Variants in CCDC171 observed in about 807,000 individuals in gnomAD.
The protein encoded by CCDC171 is coiled-coil domain-containing protein 171.
A neutral mutation model predicts 168.2 loss-of-function variants in CCDC171; 177 were observed. That is an observed-to-expected ratio of 1.05 (90% CI 0.93 to 1.19). The LOEUF is 1.19. CCDC171 is among the 50% of genes most tolerant of loss of function. The probability of loss-of-function intolerance (pLI) is 0.00; values close to 1 mark genes in which losing one functional copy is unlikely to be tolerated. For missense variants in CCDC171, 1,991 were observed against 1,539.0 expected, an observed-to-expected ratio of 1.29 and a Z score of -4.91; for synonymous variants, 687 against 540.8, an observed-to-expected ratio of 1.27 and a Z score of -3.75.
chr9:15,781,784 A>G (rs2057680776), intron 20 of CCDC171, among the ~76,000 whole-genome samples: 1 of 152,178 alleles, frequency 6.6e-6, no homozygotes, highest in Non-Finnish European at 1.5e-5. Context: ...ACATTTAGTG[A>G]TCGTGTTGAC....
intron 25 of CCDC171, among the ~76,000 whole-genome samples, chr9:15,936,736 C>T (rs993039900): frequency 6.6e-5 from 10 of 152,122 alleles, no homozygotes; most frequent in Non-Finnish European, 1.2e-4. Context: ...GAAACTGTCC[C>T]GTCAAAATGT....
intron 24 of CCDC171, among the ~76,000 whole-genome samples, chr9:15,895,173 A>G (rs1035462358): frequency 6.6e-6 from 1 of 152,150 alleles, no homozygotes; most frequent in African/African-American, 2.4e-5. Flanking sequence ...TTGCTAAATA[A>G]TTCCTGTTTT....
chr9:15,589,366 C>G (rs2041825136), intron 4 of CCDC171, among the ~76,000 whole-genome samples: 1 of 152,224 alleles, frequency 6.6e-6, no homozygotes, highest in Non-Finnish European at 1.5e-5. Flanking sequence ...TTTCCAATGA[C>G]ACCACTGAGA....
intron 3 of CCDC171, among the ~76,000 whole-genome samples, chr9:16,013,081 A>G (rs1486890919): frequency 6.6e-6 from 1 of 151,834 alleles, no homozygotes; most frequent in Non-Finnish European, 1.5e-5. Flanking sequence ...AATGTCCCCA[A>G]CTCTCTTCCT....
rs2059706007 is a variant in CCDC171, at chr9:15,820,057, C to A, written c.3268-26645C>A. ...AAACTCACTCAAAACTGCTCAACTA[C>A]AGGGAAACTGAACAGCCTGCTCCTG... On this transcript the variant is annotated intron_variant, in intron 21 of 25. Coordinates refer to ENST00000380701, the MANE Select transcript of CCDC171 (RefSeq NM_173550.4). Among the ~76,000 whole-genome samples the A allele has an allele frequency of 1.7e-5, 2 of 117,630 alleles. 1 individual carries two copies. Among genetic ancestry groups the A allele is most frequent in the African/African-American group, 6.4e-5 (2 of 31,162 alleles). 77.2% of individuals were successfully genotyped at this position (117,630 alleles called of 152,430 possible). A position where few individuals can be genotyped will look rare whatever the true frequency, so the allele number is the denominator to read the frequency against.
the CCDC171 span, among the ~76,000 whole-genome samples, chr9:16,081,534 C>T: frequency 6.6e-6 from 1 of 152,160 alleles, no homozygotes; most frequent in African/African-American, 2.4e-5. Flanking sequence ...AGTCAATTTG[C>T]AATCGTGAGG....
chr9:15,928,794 T>C (rs1826170762), intron 25 of CCDC171, among the ~76,000 whole-genome samples: 1 of 151,722 alleles, frequency 6.6e-6, no homozygotes. Context: ...TATATTTTTT[T>C]TGATCCTTGG....
At chr9:15,934,474 T>A (rs1826885715) in intron 25 of CCDC171, among the ~76,000 whole-genome samples, 1 of 151,694 alleles carries the variant, frequency 6.6e-6, no homozygotes, top group Non-Finnish European at 1.5e-5. Flanking sequence ...GATGCCACTT[T>A]ACACCCACTA....
chr9:16,102,984 G>A, the CCDC171 span, among the ~76,000 whole-genome samples: 2 of 152,066 alleles, frequency 1.3e-5, no homozygotes, highest in East Asian at 1.9e-4. Flanking sequence ...GCTAACTTTC[G>A]GATTGAGCAG....
intron 9 of CCDC171, among the ~76,000 whole-genome samples, chr9:15,671,639 C>T (rs978256627): frequency 2.0e-5 from 3 of 151,828 alleles, no homozygotes; most frequent in African/African-American, 7.3e-5. Flanking sequence ...ATAGTTTGCT[C>T]AGAATGATGG....
intron 3 of CCDC171, among the ~76,000 whole-genome samples, chr9:15,576,526 A>G (rs1307417053): frequency 1.3e-5 from 2 of 152,062 alleles, no homozygotes; most frequent in Admixed American, 6.6e-5. Flanking sequence ...GTGCCCTTGA[A>G]GAGGATGTAG....
intron 21 of CCDC171, among the ~76,000 whole-genome samples, chr9:15,844,631 T>G (rs2130704657): frequency 6.6e-6 from 1 of 152,232 alleles, no homozygotes; most frequent in African/African-American, 2.4e-5. Flanking sequence ...TATCACTTTG[T>G]TTATACCACT....
intron 24 of CCDC171, among the ~76,000 whole-genome samples, chr9:15,901,448 C>A (rs146830434): frequency 9.9e-5 from 15 of 152,238 alleles, no homozygotes; most frequent in African/African-American, 3.4e-4. Context: ...AGGGGCAGAG[C>A]ATGTATGGGA....
At chr9:15,603,637 T>A (rs1280247159) in intron 6 of CCDC171, among the ~76,000 whole-genome samples, 1 of 152,154 alleles carries the variant, frequency 6.6e-6, no homozygotes, top group Non-Finnish European at 1.5e-5. Context: ...CACATTTTCT[T>A]TATCCAGCCT....
intron 21 of CCDC171, among the ~76,000 whole-genome samples, chr9:15,812,711 A>G (rs899141904): frequency 2.0e-5 from 3 of 152,184 alleles, no homozygotes; most frequent in African/African-American, 4.8e-5. Flanking sequence ...AATTTATCCT[A>G]CTGTCAGGAT....
intron 24 of CCDC171, among the ~76,000 whole-genome samples, chr9:15,897,943 A>T (rs991766023): frequency 6.6e-6 from 1 of 152,168 alleles, no homozygotes; most frequent in African/African-American, 2.4e-5. Context: ...TAACTGGGTG[A>T]CACTGGACAA....
intron 18 of CCDC171, among the ~76,000 whole-genome samples, chr9:15,767,543 C>T (rs568770896): frequency 5.3e-5 from 8 of 152,228 alleles, no homozygotes; most frequent in Middle Eastern, 3.4e-3. Flanking sequence ...TAACATAACA[C>T]AGTCACAGGT....
At chr9:16,036,118 T>A (rs1408234137) in exon 8 of CCDC171, 1 of 152,254 alleles carries the variant, frequency 6.6e-6, no homozygotes, top group East Asian at 1.9e-4. Flanking sequence ...AAGTTCTTTC[T>A]CCACAGACCA....
chr9:15,760,555 C>G lies in CCDC171; in HGVS notation c.2671+14924C>G, dbSNP rs139226299. On this transcript the variant is annotated intron_variant, in intron 18 of 25. Transcript: ENST00000380701. The stretch of plus-strand genomic sequence containing the variant: ...CTGTAAAATTTGGCTAATAAAATTT[C>G]CTAGCTTTTCTTTACATTAAGAAGA... 1.6e-3 allele frequency among the ~76,000 whole-genome samples: 237 copies of G among 152,242 alleles called. 2 individuals are homozygous for G. Among genetic ancestry groups the G allele is most frequent in the African/African-American group, 4.9e-3 (204 of 41,556 alleles).
Sources: gnomAD v4.1 joint callset for allele counts (sites outside exome capture counted in the v4.1 genomes callset) on GRCh38, gnomAD v4.1.1 for gene constraint, MANE v1.5 for transcripts, NCBI Gene and HGNC (gene_info 2026-07-23, HGNC 2026-07-21) for gene names.